Variants in WDR70 observed in about 807,000 individuals in gnomAD.
WDR70 encodes the protein WD repeat-containing protein 70.
In WDR70, 53 loss-of-function variants were observed where a neutral mutation model predicts 88.6. That is an observed-to-expected ratio of 0.60 (90% CI 0.48 to 0.75). The LOEUF (loss-of-function observed/expected upper bound fraction) is 0.75. Among genes scored for constraint, WDR70 ranks in the 30% least tolerant of loss-of-function variants. WDR70 has a pLI of 0.00. For missense variants in WDR70, 610 were observed against 823.2 expected (o/e 0.74, Z 3.17); for synonymous variants, 280 against 270.0 (o/e 1.04, Z -0.36).
chr5:37,390,340 ATT>A (rs11392764), intron 3 of WDR70, among the ~76,000 whole-genome samples: 3 of 138,172 alleles, frequency 2.2e-5, no homozygotes, highest in Admixed American at 7.4e-5. Context: ...TATAATATAA[ATT>A]TTTTTTTTTT....
intron 9 of WDR70, among the ~76,000 whole-genome samples, chr5:37,562,057 T>G (rs1452291656): frequency 1.3e-5 from 2 of 152,222 alleles, no homozygotes; most frequent in African/African-American, 4.8e-5. Context: ...TTTTCTTTGT[T>G]TTTTAAAATG....
intron 8 of WDR70, among the ~76,000 whole-genome samples, chr5:37,511,278 T>C (rs1215651086): frequency 6.6e-6 from 1 of 152,210 alleles, no homozygotes; most frequent in East Asian, 1.9e-4. Context: ...ATATTTATTA[T>C]ATTAGTATAC....
At chr5:37,588,002 A>G (rs1743415213) in intron 9 of WDR70, among the ~76,000 whole-genome samples, 1 of 152,052 alleles carries the variant, frequency 6.6e-6, no homozygotes, top group Admixed American at 6.6e-5. Flanking sequence ...GTCCTGTTCT[A>G]TTCATCCTGG....
intron 10 of WDR70, among the ~76,000 whole-genome samples, chr5:37,617,209 C>T (rs536200778): frequency 6.6e-6 from 1 of 152,172 alleles, no homozygotes; most frequent in Non-Finnish European, 1.5e-5. Flanking sequence ...TTTAACAACT[C>T]GCCCAAGGCC....
chr5:37,751,985 G>A (rs2112752072), intron 17 of WDR70, among the ~76,000 whole-genome samples: 1 of 152,194 alleles, frequency 6.6e-6, no homozygotes, highest in South Asian at 2.1e-4. Context: ...ATTTTTGCAG[G>A]CTCAAATTCA....
chr5:37,418,251 C>A (rs576751461), intron 5 of WDR70, among the ~76,000 whole-genome samples: 41 of 151,884 alleles, frequency 2.7e-4, no homozygotes, highest in Non-Finnish European at 4.3e-4. Context: ...AAACCTTGAC[C>A]TAAAAATTTT....
intron 10 of WDR70, among the ~76,000 whole-genome samples, chr5:37,686,951 A>AAATAAT (rs70978838): frequency 0.022 from 3,209 of 143,056 alleles, 111 homozygotes; most frequent in African/African-American, 0.071. Flanking sequence ...CTCTGTCTCA[A>AAATAAT]AATAATAATA....
chr5:37,677,687 G>C (rs1316798564), intron 10 of WDR70, among the ~76,000 whole-genome samples: 3 of 54,592 alleles, frequency 5.5e-5, no homozygotes, highest in Non-Finnish European at 1.1e-4. Flanking sequence ...GGTGTGGGGT[G>C]GTGCTGAAAA....
At chr5:37,443,994 T>C (rs1276848610) in intron 7 of WDR70, among the ~76,000 whole-genome samples, 1 of 147,894 alleles carries the variant, frequency 6.8e-6, no homozygotes, top group African/African-American at 2.5e-5. Context: ...ACTAAAAATA[T>C]AAAAACAAGC....
chr5:37,714,088 C>T (rs1263711560), intron 13 of WDR70, among the ~76,000 whole-genome samples: 2 of 152,182 alleles, frequency 1.3e-5, no homozygotes, highest in African/African-American at 4.8e-5. Flanking sequence ...ATATTTAAAA[C>T]ATCTTTACCT....
At chr5:37,409,055 G>T (rs1296284148) in intron 5 of WDR70, among the ~76,000 whole-genome samples, 3 of 151,732 alleles carry the variant, frequency 2.0e-5, no homozygotes, top group African/African-American at 7.3e-5. Context: ...TCTCCTGCCT[G>T]AGCCTCCCGA....
intron 10 of WDR70, among the ~76,000 whole-genome samples, chr5:37,645,221 A>T (rs2112549224): frequency 6.6e-6 from 1 of 150,926 alleles, no homozygotes; most frequent in Non-Finnish European, 1.5e-5. Context: ...TTCCTTCTTA[A>T]TCCCTTCATT....
intron 9 of WDR70, among the ~76,000 whole-genome samples, chr5:37,593,599 A>G (rs182159088): frequency 5.6e-4 from 85 of 152,304 alleles, no homozygotes; most frequent in African/African-American, 2.0e-3. Flanking sequence ...GAATAGTGCC[A>G]CAATAAACAT....
At chr5:37,607,880 A>G (rs981252347) in intron 10 of WDR70, among the ~76,000 whole-genome samples, 3 of 152,040 alleles carry the variant, frequency 2.0e-5, no homozygotes, top group Admixed American at 1.3e-4. Flanking sequence ...TTGATTCTCT[A>G]CTTCCCATTC....
chr5:37,659,066 C>T (rs1355031378), intron 10 of WDR70, among the ~76,000 whole-genome samples: 1 of 152,124 alleles, frequency 6.6e-6, no homozygotes. Context: ...ATAATCTGTA[C>T]ACAATTCATT....
At chr5:37,644,352 A>G (rs1452127857) in intron 10 of WDR70, among the ~76,000 whole-genome samples, 1 of 151,952 alleles carries the variant, frequency 6.6e-6, no homozygotes, top group African/African-American at 2.4e-5. Context: ...TTGATGAATG[A>G]TCTTTTTAGT....
intron 5 of WDR70, among the ~76,000 whole-genome samples, chr5:37,433,374 T>C (rs999082314): frequency 2.6e-5 from 4 of 152,142 alleles, no homozygotes; most frequent in Non-Finnish European, 5.9e-5. Context: ...AATCTCAGAC[T>C]TTATCAAATT....
At chr5:37,601,692 C>G (rs962635589) in intron 9 of WDR70, among the ~76,000 whole-genome samples, 2 of 152,034 alleles carry the variant, frequency 1.3e-5, no homozygotes, top group African/African-American at 4.8e-5. Flanking sequence ...CTGATTCATT[C>G]TCCTTACTTG....
chr5:37,496,954 T>A (rs1391648350), intron 8 of WDR70, among the ~76,000 whole-genome samples: 2 of 152,146 alleles, frequency 1.3e-5, no homozygotes. Context: ...TGTACAGGAT[T>A]GGGGAAGACA....
Sources: gnomAD v4.1 joint callset for allele counts (sites outside exome capture counted in the v4.1 genomes callset) on GRCh38, gnomAD v4.1.1 for gene constraint, MANE v1.5 for transcripts, NCBI Gene and HGNC (gene_info 2026-07-23, HGNC 2026-07-21) for gene names.